Variants in FUT1 observed in about 807,000 individuals in gnomAD.
FUT1 encodes the protein fucosyltransferase 1 (H blood group), also known as galactoside alpha-(1,2)-fucosyltransferase 1.
For synonymous variants in FUT1, 215 were observed against 208.7 expected (o/e 1.03, Z -0.26); for missense variants, 476 against 492.7 (o/e 0.97, Z 0.32).
chr19:48,754,393 C>T (rs2034055756), upstream of FUT1, among the ~76,000 whole-genome samples: 1 of 152,092 alleles, frequency 6.6e-6, no homozygotes, highest in Admixed American at 6.6e-5. Context: ...CTGACTCCTC[C>T]AAGAAAAGGA....
At position 48,751,161 on chromosome 19, in the gene FUT1, G is replaced by A. The variant is rs948201998; in HGVS notation, c.121C>T (p.Leu41=). 4 of 1,614,150 alleles carry A rather than the reference G, an allele frequency of 2.5e-6. No individual in the cohort carries two copies. In the East Asian group the frequency reaches 6.7e-5, roughly 27 times the overall value. ...SFPHGLGLSI[L]CPDRRLVTPP... ...GTCACCAGGCGGCGGTCTGGACACAGGATCGACAGGCCTAGGCCATGTGGA... is the reference window on the plus strand; with the variant it reads ...GTCACCAGGCGGCGGTCTGGACACAAGATCGACAGGCCTAGGCCATGTGGA... Residue 41 remains leucine (L), a synonymous_variant, in exon 2 of 2, where the codon CTG becomes TTG. Transcript: ENST00000645652.
At position 48,751,035 on chromosome 19, in the gene FUT1, C is replaced by T; in HGVS notation, c.247G>A (p.Val83Ile). Residue 83 changes from valine (V) to isoleucine (I), a missense_variant, in exon 2 of 2, where the codon GTC (valine) becomes ATC (isoleucine). Coordinates refer to ENST00000645652, the MANE Select transcript of FUT1 (RefSeq NM_001384359.1). The stretch of plus-strand genomic sequence containing the variant: ...TTACCAAACCGGCCATTGGGGTAGA[C>T]AGTCCAGGTGCCGGAGAGGGAAGCA... Reference protein sequence around the residue: ...HPASLSGTWTVYPNGRFGNQM... With the variant: ...HPASLSGTWTIYPNGRFGNQM... The T allele has an allele frequency of 6.3e-7, 1 of 1,595,366 alleles. No homozygotes were observed. The highest frequency in any genetic ancestry group is 1.1e-5 in the South Asian group (1 of 87,836).
At chr19:48,752,950 C>A, upstream of FUT1, 1 of 963,616 alleles carries the variant, frequency 1.0e-6, no homozygotes, top group Non-Finnish European at 1.2e-6. This position sits in a 1 kb window ranked among gnomAD's most constrained non-coding sequence, Gnocchi z 4.3. Context: ...CGCCCAGTTG[C>A]AATGCTGGAG....
intron 1 of FUT1, among the ~76,000 whole-genome samples, chr19:48,751,810 G>T (rs1294813221): frequency 6.6e-6 from 1 of 152,142 alleles, no homozygotes; most frequent in African/African-American, 2.4e-5. Context: ...AATTAGCCGG[G>T]CATGGTGGCG....
Position 48,749,318 on chromosome 19 carries a change from A to T in FUT1, c.*866T>A, listed in dbSNP as rs838141. 54,343 of 108,674 alleles carry T rather than the reference A, an allele frequency of 0.5. 11,070 individuals are homozygous for T. Among genetic ancestry groups the T allele is most frequent in the African/African-American group, 0.66 (22,629 of 34,534 alleles). The allele number at this position is 108,674 out of a possible 1,614,324, so 6.7% of individuals were successfully genotyped here. On this transcript the variant is annotated 3_prime_UTR_variant, in exon 2 of 2. Coordinates refer to ENST00000645652, the MANE Select transcript of FUT1 (RefSeq NM_001384359.1). ...TAAATAAATAAATAAATAAATAATTAAAAAAAAAATATCCGGGCTGGGCAC... is the reference window on the plus strand; with the variant it reads ...TAAATAAATAAATAAATAAATAATTTAAAAAAAAATATCCGGGCTGGGCAC...
rs1392909600 is a variant in FUT1, at chr19:48,750,275, A to G, written c.1007T>C (p.Leu336Pro). 6.2e-7 allele frequency: 1 copy of G among 1,614,042 alleles called. No homozygotes were observed. The highest frequency in any genetic ancestry group is 8.5e-7 in the Non-Finnish European group (1 of 1,180,016). The change falls in exon 2 of 2, where the codon CTG becomes CCG. Residue 336 changes from leucine (L) to proline (P), a missense_variant. Coordinates refer to ENST00000645652, the MANE Select transcript of FUT1 (RefSeq NM_001384359.1). ...GGCCGCCTCCGGCTTAAAGATCTTC[A>G]GGAACTCAGAGTCTGGCAGGGTGAA... ...ANFTLPDSEF[L>P]KIFKPEAAFL... is the part of the protein sequence containing the mutation.
At chr19:48,753,112 G>T, upstream of FUT1, 1 of 164,814 alleles carries the variant, frequency 6.1e-6, no homozygotes, top group Non-Finnish European at 1.3e-5. Context: ...TCCGCCCTCT[G>T]CCGCGTCCTC....
chr19:48,754,614 AG>A (rs1221478067), upstream of FUT1, among the ~76,000 whole-genome samples: 3 of 152,214 alleles, frequency 2.0e-5, no homozygotes, highest in Non-Finnish European at 2.9e-5. Context: ...AAAGAATAAA[AG>A]TAATAGCTAA....
At chr19:48,754,448 A>G (rs2034056523), upstream of FUT1, among the ~76,000 whole-genome samples, 1 of 152,108 alleles carries the variant, frequency 6.6e-6, no homozygotes, top group Admixed American at 6.6e-5. Flanking sequence ...CTTCCCAGAC[A>G]CTGGCGTTCC....
Position 48,751,210 on chromosome 19 carries a change from G to A in FUT1, c.72C>T (p.Phe24=), listed in dbSNP as rs2033997683. ...GAAAGCTGTCTTGATGGATATGGAG[G>A]AAGAAGATTACAGAGAGGACACAGA... The part of the protein sequence containing the change: ...LLVCVLSVIF[F]LHIHQDSFPH... The change falls in exon 2 of 2, where the codon TTC becomes TTT. Residue 24 remains phenylalanine, a synonymous_variant. Coordinates refer to ENST00000645652, the MANE Select transcript of FUT1 (RefSeq NM_001384359.1). The A allele has an allele frequency of 6.2e-7, 1 of 1,614,038 alleles. No individual in the cohort carries two copies. Among genetic ancestry groups the A allele is most frequent in the African/African-American group, 1.3e-5 (1 of 74,930 alleles).
At chr19:48,751,750 G>A (rs2034006494) in intron 1 of FUT1, among the ~76,000 whole-genome samples, 1 of 152,146 alleles carries the variant, frequency 6.6e-6, no homozygotes, top group African/African-American at 2.4e-5. Flanking sequence ...TTGGGAGTTC[G>A]AGACCAGCCT....
chr19:48,755,113 C>T (rs977617937), upstream of FUT1, among the ~76,000 whole-genome samples: 2 of 149,662 alleles, frequency 1.3e-5, no homozygotes, highest in Non-Finnish European at 3.0e-5. Context: ...CAGACCAAAG[C>T]TCCCTCCTCC....
chr19:48,752,554 A>C lies in FUT1; in HGVS notation c.-67T>G, dbSNP rs896214921. 1 of 985,294 alleles carries C rather than the reference A, an allele frequency of 1.0e-6. No homozygotes were observed. The highest frequency in any genetic ancestry group is 1.7e-5 in the African/African-American group (1 of 57,212). 61.0% of individuals were successfully genotyped at this position (985,294 alleles called of 1,614,324 possible). A position where few individuals can be genotyped will look rare whatever the true frequency, so the allele number is the denominator to read the frequency against. On this transcript the variant is annotated 5_prime_UTR_variant, in exon 1 of 2. Coordinates refer to ENST00000645652, the MANE Select transcript of FUT1 (RefSeq NM_001384359.1). The surrounding 1 kb of genome is among the most constrained non-coding windows in gnomAD (Gnocchi z 4.3). ...CGTGGCCGGAGCGCACCCTCCGCAA[A>C]GGCAGGCCACATCCGGCCGCCCCTG...
chr19:48,750,930 C>T lies in FUT1; in HGVS notation c.352G>A (p.Ala118Thr). ...RRAFILPAMH[A>T]ALAPVFRITL... ...ATGCGGAATACCGGGGCCAGGGCGG[C>T]ATGCATGGCAGGCAGGATAAAGGCC... The change falls in exon 2 of 2, where the codon GCC (alanine) becomes ACC (threonine). Residue 118 changes from alanine to threonine, a missense_variant. Physicochemically the swap from Ala to Thr is moderately conservative, Grantham distance 58. Transcript: ENST00000645652. 4 of 1,610,912 alleles carry T rather than the reference C, an allele frequency of 2.5e-6. No homozygotes were observed. The highest frequency in any genetic ancestry group is 2.2e-5 in the South Asian group (2 of 90,974).
upstream of FUT1, chr19:48,752,705 C>A: frequency 6.1e-6 from 6 of 985,450 alleles, no homozygotes; most frequent in Non-Finnish European, 7.2e-6. This position sits in a 1 kb window ranked among gnomAD's most constrained non-coding sequence, Gnocchi z 4.3. Context: ...CAGCGTCCGC[C>A]CTCCCGGGCC....
chr19:48,750,436 A>C lies in FUT1; in HGVS notation c.846T>G (p.Ala282=), dbSNP rs768862395. The change falls in exon 2 of 2, where the codon GCT becomes GCG. Residue 282 remains alanine, a synonymous_variant. Coordinates refer to ENST00000645652, the MANE Select transcript of FUT1 (RefSeq NM_001384359.1). The stretch of plus-strand genomic sequence containing the variant: ...ACGGTGTAGCCTCCTGTCCATCGCC[A>C]GCAAACGTCACATCGCCCTGGGAGG... ...IDTSQGDVTF[A]GDGQEATPWK... The C allele has an allele frequency of 7.4e-6, 12 of 1,614,136 alleles. No homozygotes were observed. The highest frequency in any genetic ancestry group is 6.7e-5 in the East Asian group (3 of 44,898).
At chr19:48,751,486 GC>G (rs1482841886) in intron 1 of FUT1, among the ~76,000 whole-genome samples, 1 of 152,096 alleles carries the variant, frequency 6.6e-6, no homozygotes, top group East Asian at 1.9e-4. Context: ...GAATTTCGGG[GC>G]ATGGGGACTG....
Position 48,751,049 on chromosome 19 carries a change from G to C in FUT1, c.233C>G (p.Ser78Cys). ...SSCPQHPASL[S>C]GTWTVYPNGR... is the part of the protein sequence containing the mutation. ...ATTGGGGTAGACAGTCCAGGTGCCG[G>C]AGAGGGAAGCAGGGTGCTGGGGACA... Residue 78 changes from serine (S) to cysteine (C), a missense_variant, in exon 2 of 2, where the codon TCC becomes TGC. Coordinates refer to ENST00000645652, the MANE Select transcript of FUT1 (RefSeq NM_001384359.1). 1 of 1,600,594 alleles carries C rather than the reference G, an allele frequency of 6.2e-7. No individual in the cohort carries two copies. The highest frequency in any genetic ancestry group is 8.5e-7 in the Non-Finnish European group (1 of 1,171,496).
chr19:48,750,637 G>A lies in FUT1; in HGVS notation c.645C>T (p.Val215=), dbSNP rs746271520. ...GRTGDRPRTF[V]GVHVRRGDYL... is the part of the protein sequence containing the mutation. ...AGTCCCCACGGCGCACGTGGACGCC[G>A]ACAAAGGTGCGCGGGCGGTCCCCTG... The change falls in exon 2 of 2, where the codon GTC becomes GTT. Residue 215 remains valine, a synonymous_variant. Transcript: ENST00000645652. The A allele has an allele frequency of 1.2e-6, 2 of 1,612,196 alleles. No homozygotes were observed. The highest frequency in any genetic ancestry group is 1.7e-6 in the Non-Finnish European group (2 of 1,179,940).
Sources: allele counts gnomAD v4.1 joint callset (sites outside exome capture counted in the v4.1 genomes callset), GRCh38; gene constraint gnomAD v4.1.1; non-coding constraint Gnocchi (gnomAD v3.1); transcripts MANE v1.5; gene names NCBI Gene and HGNC (gene_info 2026-07-23, HGNC 2026-07-21).